Variants in PRKAR1A observed in about 807,000 individuals in gnomAD.
PRKAR1A encodes cAMP-dependent protein kinase type I-alpha regulatory subunit.
Under a neutral mutation model 52.0 loss-of-function variants are expected in PRKAR1A, and 3 were observed. The observed-to-expected ratio is 0.06, with a 90% confidence interval of 0.03 to 0.15. The LOEUF (loss-of-function observed/expected upper bound fraction) is 0.15. Among genes scored for constraint, PRKAR1A ranks in the 10% least tolerant of loss-of-function variants. The probability of loss-of-function intolerance (pLI) is 1.00; values close to 1 mark genes in which losing one functional copy is unlikely to be tolerated. For synonymous variants in PRKAR1A, 188 were observed against 168.4 expected, an observed-to-expected ratio of 1.12 and a Z score of -0.90; for missense variants, 240 against 477.4, an observed-to-expected ratio of 0.50 and a Z score of 4.63.
the PRKAR1A span, among the ~76,000 whole-genome samples, chr17:68,492,472 G>A: frequency 1.9e-4 from 29 of 152,238 alleles, no homozygotes; most frequent in Non-Finnish European, 3.5e-4. Context: ...GTGACTGAGA[G>A]GAATTGTTTT....
At chr17:68,426,254 G>GGGGGGCCCCCCCCCC in the PRKAR1A span, 1 of 816,922 alleles carries the variant, frequency 1.2e-6, no homozygotes, top group Non-Finnish European at 1.9e-6. Flanking sequence ...GGGAGCGGGG[G>GGGGGGCCCCCCCCCC]CTCAAATAAA....
the PRKAR1A span, among the ~76,000 whole-genome samples, chr17:68,449,594 GTTGT>G: frequency 3.3e-5 from 5 of 152,146 alleles, no homozygotes; most frequent in Non-Finnish European, 7.3e-5. Context: ...ACGAGACCTG[GTTGT>G]TTAATAGTGG....
At chr17:68,457,073 C>G in the PRKAR1A span, among the ~76,000 whole-genome samples, 3 of 152,210 alleles carry the variant, frequency 2.0e-5, no homozygotes, top group African/African-American at 7.2e-5. Flanking sequence ...CCCCGCAGCC[C>G]CACCACTCCC....
At chr17:68,424,438 C>T in the PRKAR1A span, 1 of 534,712 alleles carries the variant, frequency 1.9e-6, no homozygotes. Flanking sequence ...GACCTGCACT[C>T]CATCCTTTTA....
At chr17:68,437,005 A>AAATATATATATAT in the PRKAR1A span, among the ~76,000 whole-genome samples, 6 of 107,192 alleles carry the variant, frequency 5.6e-5, no homozygotes, top group African/African-American at 1.8e-4. Context: ...AAAAAAAAAA[A>AAATATATATATAT]ATATATATAT....
intron 11 of PRKAR1A, among the ~76,000 whole-genome samples, chr17:68,544,609 G>A (rs1432772823): frequency 6.6e-6 from 1 of 152,202 alleles, no homozygotes; most frequent in African/African-American, 2.4e-5. Context: ...AATTTAAACC[G>A]TGTTGTGCAT....
chr17:68,470,389 T>G, the PRKAR1A span, among the ~76,000 whole-genome samples: 5 of 152,224 alleles, frequency 3.3e-5, no homozygotes, highest in African/African-American at 1.2e-4. Flanking sequence ...CCATCTTAGA[T>G]TATTTTGTAA....
In PRKAR1A at chr17:68,532,149, A is replaced by G. The variant is rs1242686662; in HGVS notation, c.*1700A>G. 1 of 1,052,880 alleles carries G rather than the reference A, an allele frequency of 9.5e-7. No individual in the cohort carries two copies. Among genetic ancestry groups the G allele is most frequent in the Non-Finnish European group, 1.2e-6 (1 of 867,980 alleles). The allele number at this position is 1,052,880 out of a possible 1,614,324, so 65.2% of individuals were successfully genotyped here. A position where few individuals can be genotyped will look rare whatever the true frequency, so the allele number is the denominator to read the frequency against. ...AATTTTTTAATTTCCAAAATAATCT[A>G]TATTAAATGAGGGTTTCTGATCTGT... On this transcript the variant is annotated 3_prime_UTR_variant, in exon 11 of 11. Transcript: ENST00000589228.
chr17:68,515,716 AC>A (rs2085411974), intron 2 of PRKAR1A, 140 bp downstream of exon 2: 5 of 1,057,036 alleles, frequency 4.7e-6, no homozygotes, highest in Non-Finnish European at 6.9e-6. Flanking sequence ...AATAAGAAAT[AC>A]AGTTAAGGCA....
At chr17:68,429,941 A>G in the PRKAR1A span, 8 of 1,607,388 alleles carry the variant, frequency 5.0e-6, no homozygotes, top group Admixed American at 6.9e-5. Context: ...TGTGCTTTGG[A>G]AAAATACATT....
chr17:68,499,990 G>T, the PRKAR1A span, among the ~76,000 whole-genome samples: 117 of 152,346 alleles, frequency 7.7e-4, 4 homozygotes, highest in Non-Finnish European at 5.9e-5. Flanking sequence ...GGAACCTAGA[G>T]ATTTTTATAC....
In PRKAR1A at chr17:68,530,454, T is replaced by G; in HGVS notation, c.*5T>G. The G allele has an allele frequency of 6.2e-7, 1 of 1,614,058 alleles. No homozygotes were observed. Among genetic ancestry groups the G allele is most frequent in the Non-Finnish European group, 8.5e-7 (1 of 1,179,906 alleles). On this transcript the variant is annotated 3_prime_UTR_variant, in exon 11 of 11. Transcript: ENST00000589228. ...TTTGTGTCACTGTCTGTCTGAAATCTGCCTCCTGTGCCTCCCTTTTCTCCT... is the reference window on the plus strand; with the variant it reads ...TTTGTGTCACTGTCTGTCTGAAATCGGCCTCCTGTGCCTCCCTTTTCTCCT...
the PRKAR1A span, among the ~76,000 whole-genome samples, chr17:68,498,444 T>A: frequency 6.6e-6 from 1 of 152,224 alleles, no homozygotes; most frequent in Non-Finnish European, 1.5e-5. Flanking sequence ...GTTTTGTGAA[T>A]ACGTGTGGGT....
At chr17:68,421,591 C>CA in the PRKAR1A span, 1 of 745,458 alleles carries the variant, frequency 1.3e-6, no homozygotes, top group Admixed American at 2.3e-5. Context: ...CGCCCATTGG[C>CA]AACCAGGGTC....
chr17:68,444,395 C>T, the PRKAR1A span: 62 of 1,099,510 alleles, frequency 5.6e-5, no homozygotes, highest in Non-Finnish European at 8.0e-5. Flanking sequence ...AAAAAGCAAA[C>T]ACTGCTTCAC....
At chr17:68,494,678 G>T in the PRKAR1A span, among the ~76,000 whole-genome samples, 1 of 152,088 alleles carries the variant, frequency 6.6e-6, no homozygotes, top group African/African-American at 2.4e-5. Context: ...TGGAAAAGTT[G>T]GATACCCTGA....
At chr17:68,440,376 C>G in the PRKAR1A span, among the ~76,000 whole-genome samples, 1 of 152,192 alleles carries the variant, frequency 6.6e-6, no homozygotes, top group Non-Finnish European at 1.5e-5. Flanking sequence ...TTCTGCCAGT[C>G]TCCTCTTTCT....
At chr17:68,534,560 CTTTT>C (rs34994040), downstream of PRKAR1A, among the ~76,000 whole-genome samples, 2 of 111,048 alleles carry the variant, frequency 1.8e-5, no homozygotes, top group South Asian at 3.1e-4. Flanking sequence ...TTTTTAGTGC[CTTTT>C]TTTTTTTTTT....
intron 1 of PRKAR1A, among the ~76,000 whole-genome samples, chr17:68,514,514 TA>T (rs2085368577): frequency 6.6e-6 from 1 of 152,220 alleles, no homozygotes; most frequent in Admixed American, 6.5e-5. Flanking sequence ...TTACTTTACA[TA>T]AAGGTACCAT....
Sources: gnomAD v4.1 joint callset for allele counts (sites outside exome capture counted in the v4.1 genomes callset) on GRCh38, gnomAD v4.1.1 for gene constraint, MANE v1.5 for transcripts, NCBI Gene and HGNC (gene_info 2026-07-23, HGNC 2026-07-21) for gene names.